Variants in JPH1 observed in about 807,000 individuals in gnomAD.
The protein encoded by JPH1 is junctophilin 1.
A neutral mutation model predicts 53.6 loss-of-function variants in JPH1; 12 were observed. The observed-to-expected ratio is 0.22, with a 90% CI of 0.14 to 0.36. JPH1 has a LOEUF of 0.36. JPH1 is among the 10% of genes least tolerant of loss of function. JPH1 has a pLI of 1.00. For synonymous variants in JPH1, 375 were observed against 363.8 expected (o/e 1.03, Z -0.35); for missense variants, 808 against 905.5 (o/e 0.89, Z 1.38).
rs1341511031 is a variant in JPH1, at chr8:74,258,882, C to T, written c.1258+503G>A. 2.0e-5 allele frequency among the ~76,000 whole-genome samples: 3 copies of T among 152,132 alleles called. No individual in the cohort carries two copies. The East Asian group carries it at 5.8e-4, about 29-fold the overall frequency. On this transcript the variant is annotated intron_variant, in intron 3 of 5. Coordinates refer to ENST00000342232, the MANE Select transcript of JPH1 (RefSeq NM_020647.4). ...CCCATCTCCAGGGCTAACACTCAGA[C>T]CTCGGGTGATATTTGTTACTACAAG...
At chr8:74,261,365 T>G (rs1806391322) in intron 2 of JPH1, among the ~76,000 whole-genome samples, 1 of 152,184 alleles carries the variant, frequency 6.6e-6, no homozygotes, top group Non-Finnish European at 1.5e-5. Flanking sequence ...ATGGGAACTT[T>G]GCAGTTCCTG....
chr8:74,318,850 A>G (rs1019880961), intron 1 of JPH1, among the ~76,000 whole-genome samples: 3 of 152,208 alleles, frequency 2.0e-5, no homozygotes, highest in Non-Finnish European at 2.9e-5. Flanking sequence ...AGTTACAGCA[A>G]TAAACTTGCT....
rs530626135 is a variant in JPH1, at chr8:74,302,441, A to C, written c.1139+12420T>G. On this transcript the variant is annotated intron_variant, in intron 2 of 5. Transcript: ENST00000342232. ...TAAACTTTTTAAAGAAACCACTAGTAATTTTCCCTTTTGCATTATAAAATT... is the reference window on the plus strand; with the variant it reads ...TAAACTTTTTAAAGAAACCACTAGTCATTTTCCCTTTTGCATTATAAAATT... 1.4e-3 allele frequency among the ~76,000 whole-genome samples: 219 copies of C among 152,334 alleles called. 1 individual carries two copies. Among genetic ancestry groups the C allele is most frequent in the African/African-American group, 5.0e-3 (208 of 41,576 alleles).
At chr8:74,317,269 C>A (rs1331232695) in intron 1 of JPH1, among the ~76,000 whole-genome samples, 5 of 152,120 alleles carry the variant, frequency 3.3e-5, no homozygotes, top group Non-Finnish European at 7.4e-5. Flanking sequence ...GTGACACAGG[C>A]AATAGTAGAT....
intron 3 of JPH1, among the ~76,000 whole-genome samples, chr8:74,245,614 T>C (rs534898956): frequency 3.3e-4 from 50 of 152,346 alleles, no homozygotes; most frequent in African/African-American, 1.1e-3. Flanking sequence ...TAATGATCTG[T>C]CATCAAACAT....
At chr8:74,291,560 T>A (rs1362163403) in intron 2 of JPH1, among the ~76,000 whole-genome samples, 1 of 152,174 alleles carries the variant, frequency 6.6e-6, no homozygotes, top group African/African-American at 2.4e-5. Context: ...ATTGTGGAAG[T>A]CGGTGTGGCG....
chr8:74,250,608 G>T (rs1271896783), intron 3 of JPH1, among the ~76,000 whole-genome samples: 4 of 152,188 alleles, frequency 2.6e-5, no homozygotes, highest in East Asian at 1.9e-4. Context: ...AACATTATGA[G>T]ATTTTTTTGG....
In JPH1 at chr8:74,259,509, C is replaced by T. The variant is rs370766211; in HGVS notation, c.1140-6G>A. On this transcript the variant is annotated splice_polypyrimidine_tract_variant and splice_region_variant and intron_variant, in intron 2 of 5. Coordinates refer to ENST00000342232, the MANE Select transcript of JPH1 (RefSeq NM_020647.4). ...TCGCTCTGGCATGTGCAGTCCTACA[C>T]GGGGCACAAAAGGACGAGTCAGCAT... 55 of 1,572,752 alleles carry T rather than the reference C, an allele frequency of 3.5e-5. No homozygotes were observed. The highest frequency in any genetic ancestry group is 1.7e-4 in the Middle Eastern group (1 of 5,952).
rs979194868 is a variant in JPH1, at chr8:74,315,533, C to T, written c.467G>A (p.Arg156His). ...SVPYGMATVI[R>H]SPLRTSLASL... ...GGCCAGCGAGGTACGCAGCGGTGAG[C>T]GGATCACCGTGGCCATGCCGTAGGG... Residue 156 changes from arginine (R) to histidine (H), a missense_variant, in exon 2 of 6, where the codon CGC becomes CAC. Arg to His is a conservative substitution (Grantham distance 29, BLOSUM62 0). Coordinates refer to ENST00000342232, the MANE Select transcript of JPH1 (RefSeq NM_020647.4). The surrounding 1 kb of genome is among the most constrained non-coding windows in gnomAD (Gnocchi z 6.3). 1.2e-6 allele frequency: 2 copies of T among 1,605,664 alleles called. No homozygotes were observed. Among genetic ancestry groups the T allele is most frequent in the Non-Finnish European group, 1.7e-6 (2 of 1,177,816 alleles).
intron 3 of JPH1, among the ~76,000 whole-genome samples, chr8:74,250,965 G>C (rs1806032273): frequency 6.6e-6 from 1 of 152,180 alleles, no homozygotes; most frequent in South Asian, 2.1e-4. Context: ...TCCATGGAAA[G>C]CTCAGCCAAA....
Position 74,320,978 on chromosome 8 carries a change from C to T in JPH1, c.310G>A (p.Ala104Thr). The change falls in exon 1 of 6, where the codon GCT becomes ACT. Residue 104 changes from alanine (A) to threonine (T), a missense_variant. Around this residue, in one of 2 missense-constraint regions of JPH1, gnomAD observed 756 missense variants for 811.9 expected, o/e 0.93. Coordinates refer to ENST00000342232, the MANE Select transcript of JPH1 (RefSeq NM_020647.4). This position sits in a 1 kb window ranked among gnomAD's most constrained non-coding sequence, Gnocchi z 4.4. ...TTACTCCAGGTACCCTCGTAGCGAG[C>T]GGGGGTGCACAGGCTCTGCCGGACC... The part of the protein sequence containing the change: ...YGVRQSLCTP[A>T]RYEGTWSNGL... 6.2e-7 allele frequency: 1 copy of T among 1,610,728 alleles called. No homozygotes were observed.
chr8:74,295,900 C>CGT (rs918473702), intron 2 of JPH1, among the ~76,000 whole-genome samples: 2 of 152,008 alleles, frequency 1.3e-5, no homozygotes, highest in African/African-American at 4.8e-5. Flanking sequence ...TCAGGCGTTG[C>CGT]GTGTGTGTTT....
intron 3 of JPH1, among the ~76,000 whole-genome samples, chr8:74,252,014 G>A (rs996107213): frequency 1.3e-5 from 2 of 152,074 alleles, no homozygotes; most frequent in Admixed American, 6.6e-5. Context: ...CAGAAATAAT[G>A]CCACACATCT....
chr8:74,249,862 T>A (rs1805987112), intron 3 of JPH1, among the ~76,000 whole-genome samples: 1 of 152,120 alleles, frequency 6.6e-6, no homozygotes, highest in South Asian at 2.1e-4. Flanking sequence ...TAACCTGTGC[T>A]AAAGACTTCA....
chr8:74,268,022 G>A (rs1001931808), intron 2 of JPH1, among the ~76,000 whole-genome samples: 1 of 152,098 alleles, frequency 6.6e-6, no homozygotes, highest in Non-Finnish European at 1.5e-5. Context: ...GCAGACCCAG[G>A]TGCACACCCC....
At chr8:74,278,645 T>G (rs117480053) in intron 2 of JPH1, among the ~76,000 whole-genome samples, 3 of 152,180 alleles carry the variant, frequency 2.0e-5, no homozygotes, top group Non-Finnish European at 4.4e-5. Context: ...GCTTGGGTGA[T>G]TGACCCGGAC....
Position 74,315,462 on chromosome 8 carries a change from C to A in JPH1, c.538G>T (p.Ala180Ser). Residue 180 changes from alanine (A) to serine (S), a missense_variant, in exon 2 of 6, where the codon GCA (alanine) becomes TCA (serine). Ala to Ser is a moderately conservative substitution (Grantham distance 99). This residue lies in a region of JPH1 where 756 missense variants were observed against 811.9 expected (regional missense o/e 0.93). Transcript: ENST00000342232. The surrounding 1 kb of genome is among the most constrained non-coding windows in gnomAD (Gnocchi z 6.3). Reference protein sequence around the residue: ...QSNGSVLHDAAAAADSPAGTR... With the variant: ...QSNGSVLHDASAAADSPAGTR... ...CCGGCCGGGCTGTCGGCGGCGGCTG[C>A]GGCGTCGTGGAGCACGCTGCCATTG... The A allele has an allele frequency of 6.2e-7, 1 of 1,608,214 alleles. No individual in the cohort carries two copies. The highest frequency in any genetic ancestry group is 8.5e-7 in the Non-Finnish European group (1 of 1,177,944).
intron 3 of JPH1, among the ~76,000 whole-genome samples, chr8:74,246,210 A>G (rs546853209): frequency 9.2e-5 from 14 of 152,312 alleles, no homozygotes; most frequent in Admixed American, 3.3e-4. Flanking sequence ...AATGGGCAGA[A>G]GCTGACAATG....
intron 2 of JPH1, among the ~76,000 whole-genome samples, chr8:74,276,580 T>G (rs1011287157): frequency 7.2e-5 from 11 of 152,222 alleles, no homozygotes; most frequent in African/African-American, 2.7e-4. Context: ...ACCGAGTGCT[T>G]ATTATATGCC....
Sources: gnomAD v4.1 joint callset for allele counts (sites outside exome capture counted in the v4.1 genomes callset) on GRCh38, gnomAD v4.1.1 for gene constraint, gnomAD v4.1.1 regional missense constraint, Gnocchi (gnomAD v3.1) non-coding constraint, MANE v1.5 for transcripts, NCBI Gene and HGNC (gene_info 2026-07-23, HGNC 2026-07-21) for gene names.